Variants in ANKRD33B observed in about 807,000 individuals in gnomAD.
The protein encoded by ANKRD33B is ankyrin repeat domain-containing protein 33B.
Under a neutral mutation model 21.5 loss-of-function variants are expected in ANKRD33B, and 6 were observed. That is an observed-to-expected ratio of 0.28 (90% CI 0.15 to 0.55). The LOEUF is 0.55. Among genes scored for constraint, ANKRD33B ranks in the 20% least tolerant of loss-of-function variants. The pLI is 0.94. For synonymous variants in ANKRD33B, 347 were observed against 342.4 expected (o/e 1.01, Z -0.15); for missense variants, 698 against 747.2 (o/e 0.93, Z 0.77).
chr5:10,656,262 T>C lies in ANKRD33B; in HGVS notation c.*6149T>C, dbSNP rs1298202608. The C allele has an allele frequency of 1.3e-5, 2 of 152,336 alleles. No homozygotes were observed. The highest frequency in any genetic ancestry group is 2.9e-5 in the Non-Finnish European group (2 of 68,036). The allele number at this position is 152,336 out of a possible 1,614,324, so 9.4% of individuals were successfully genotyped here. A position where few individuals can be genotyped will look rare whatever the true frequency, so the allele number is the denominator to read the frequency against. Reference sequence around the variant, plus strand: ...AGAAACACACAGTACCTGGATTGTTTTGACTTATTTTCAAGCGACTCAGCT... The same window carrying C: ...AGAAACACACAGTACCTGGATTGTTCTGACTTATTTTCAAGCGACTCAGCT... On this transcript the variant is annotated 3_prime_UTR_variant, in exon 4 of 4. Coordinates refer to ENST00000296657, the MANE Select transcript of ANKRD33B (RefSeq NM_001164440.2).
At chr5:10,572,668 G>A (rs1301923387) in intron 1 of ANKRD33B, among the ~76,000 whole-genome samples, 3 of 152,212 alleles carry the variant, frequency 2.0e-5, no homozygotes, top group Non-Finnish European at 4.4e-5. Flanking sequence ...TGTTCCCCAA[G>A]TGGACACTGG....
Position 10,624,734 on chromosome 5 carries a change from C to T in ANKRD33B, c.496+6272C>T, listed in dbSNP as rs192251539. ...CTTTCTGAACCTCCAGGGGCTGCCCCTGTCCCCATGGGCATAGTTTCCTTA... is the reference window on the plus strand; with the variant it reads ...CTTTCTGAACCTCCAGGGGCTGCCCTTGTCCCCATGGGCATAGTTTCCTTA... On this transcript the variant is annotated intron_variant, in intron 2 of 3. Transcript: ENST00000296657. 9 of 456,754 alleles carry T rather than the reference C, an allele frequency of 2.0e-5. No individual in the cohort carries two copies. In the Middle Eastern group the frequency reaches 9.8e-4, roughly 49 times the overall value. 28.3% of individuals were successfully genotyped at this position (456,754 alleles called of 1,614,324 possible). A position where few individuals can be genotyped will look rare whatever the true frequency, so the allele number is the denominator to read the frequency against.
Position 10,650,202 on chromosome 5 carries a change from A to G in ANKRD33B, c.*89A>G, listed in dbSNP as rs1393032059. 1.5e-6 allele frequency: 2 copies of G among 1,327,142 alleles called. No individual in the cohort carries two copies. Among genetic ancestry groups the G allele is most frequent in the Non-Finnish European group, 2.0e-6 (2 of 1,022,072 alleles). The allele number at this position is 1,327,142 out of a possible 1,614,324, so 82.2% of individuals were successfully genotyped here. A position where few individuals can be genotyped will look rare whatever the true frequency, so the allele number is the denominator to read the frequency against. On this transcript the variant is annotated 3_prime_UTR_variant, in exon 4 of 4. Coordinates refer to ENST00000296657, the MANE Select transcript of ANKRD33B (RefSeq NM_001164440.2). ...GGAGAAGGAGGCGGCCCCGTTGCGCATCGCACCACTTCCGCTCCATGGACC... is the reference window on the plus strand; with the variant it reads ...GGAGAAGGAGGCGGCCCCGTTGCGCGTCGCACCACTTCCGCTCCATGGACC...
chr5:10,585,610 A>G (rs756378377), intron 1 of ANKRD33B, among the ~76,000 whole-genome samples: 1 of 152,154 alleles, frequency 6.6e-6, no homozygotes, highest in Non-Finnish European at 1.5e-5. Flanking sequence ...AGCCCTGGAG[A>G]TGTGGCTGCC....
intron 3 of ANKRD33B, among the ~76,000 whole-genome samples, chr5:10,644,027 G>A (rs1215028579): frequency 6.7e-6 from 1 of 148,260 alleles, no homozygotes; most frequent in African/African-American, 2.5e-5. Context: ...AAAAAGTGTT[G>A]AATTGCTTCC....
chr5:10,580,339 G>A (rs760693305), intron 1 of ANKRD33B, among the ~76,000 whole-genome samples: 33 of 152,196 alleles, frequency 2.2e-4, no homozygotes, highest in Non-Finnish European at 5.9e-5. Flanking sequence ...CTGACCTGTC[G>A]CTGCAGAGGT....
At chr5:10,624,763 A>G (rs752325806) in intron 2 of ANKRD33B, 42 of 456,720 alleles carry the variant, frequency 9.2e-5, no homozygotes, top group African/African-American at 7.8e-4. Flanking sequence ...TTCCTTAGAC[A>G]CTGGCTCCCA....
chr5:10,618,420 G>T lies in ANKRD33B; in HGVS notation c.454G>T (p.Asp152Tyr), dbSNP rs1201258611. 6.5e-7 allele frequency: 1 copy of T among 1,537,312 alleles called. No individual in the cohort carries two copies. The highest frequency in any genetic ancestry group is 8.7e-7 in the Non-Finnish European group (1 of 1,146,874). ...ECPHVDVNWQ[D>Y]SEGNTALITA... The stretch of plus-strand genomic sequence containing the variant: ...CCCCCACGTTGACGTCAACTGGCAG[G>T]ACAGCGAGGGGAACACAGCCCTAAT... Residue 152 changes from aspartate (D) to tyrosine (Y), a missense_variant, in exon 2 of 4, where the codon GAC (aspartate) becomes TAC (tyrosine). By Grantham distance (160) the Asp-to-Tyr change is radical. Coordinates refer to ENST00000296657, the MANE Select transcript of ANKRD33B (RefSeq NM_001164440.2).
chr5:10,603,533 G>A (rs1214260397), intron 1 of ANKRD33B, among the ~76,000 whole-genome samples: 1 of 152,160 alleles, frequency 6.6e-6, no homozygotes, highest in Non-Finnish European at 1.5e-5. Context: ...AAAGTACTGG[G>A]ATTACAGGGG....
At chr5:10,614,817 G>A (rs1383412476) in intron 1 of ANKRD33B, among the ~76,000 whole-genome samples, 2 of 152,004 alleles carry the variant, frequency 1.3e-5, no homozygotes, top group Non-Finnish European at 2.9e-5. Context: ...AACCCAGGAG[G>A]CAGAGGTTGC....
chr5:10,604,961 A>G (rs1579729125), intron 1 of ANKRD33B, among the ~76,000 whole-genome samples: 1 of 152,286 alleles, frequency 6.6e-6, no homozygotes, highest in East Asian at 1.9e-4. Context: ...CTGGTTGGGC[A>G]GTTCTGACTG....
rs116186872 is a variant in ANKRD33B, at chr5:10,599,082, A to G, written c.367-19251A>G. Among the ~76,000 whole-genome samples, 1,005 of 152,298 alleles carry G rather than the reference A, an allele frequency of 6.6e-3. 8 individuals are homozygous for G. The highest frequency in any genetic ancestry group is 0.023 in the African/African-American group (948 of 41,554). ...TTCTACTCAGTCCCTGTCTCATCAG[A>G]GGCAAAGACCTGTTGTTCAGATTTC... On this transcript the variant is annotated intron_variant, in intron 1 of 3. Coordinates refer to ENST00000296657, the MANE Select transcript of ANKRD33B (RefSeq NM_001164440.2).
At chr5:10,617,729 A>T (rs993307248) in intron 1 of ANKRD33B, among the ~76,000 whole-genome samples, 1 of 151,868 alleles carries the variant, frequency 6.6e-6, no homozygotes, top group South Asian at 2.1e-4. Context: ...TGCCTCCTGG[A>T]CCCGGGTTAC....
At chr5:10,587,703 C>G (rs1000407983) in intron 1 of ANKRD33B, among the ~76,000 whole-genome samples, 1 of 152,050 alleles carries the variant, frequency 6.6e-6, no homozygotes, top group Non-Finnish European at 1.5e-5. Context: ...TATGCTCTGC[C>G]AGATTAGCTA....
At position 10,569,574 on chromosome 5, in the gene ANKRD33B, C is replaced by T. The variant is rs532968542; in HGVS notation, c.366+4741C>T. Among the ~76,000 whole-genome samples the T allele has an allele frequency of 8.4e-5, 12 of 142,520 alleles. No individual in the cohort carries two copies. The South Asian group carries it at 1.1e-3, about 13-fold the overall frequency. 93.5% of individuals were successfully genotyped at this position (142,520 alleles called of 152,430 possible). A position where few individuals can be genotyped will look rare whatever the true frequency, so the allele number is the denominator to read the frequency against. ...TTGCACCACTGCGCCCCAGGCTGGG[C>T]GACAGAACAAGACCCGTGTTTGAAA... On this transcript the variant is annotated intron_variant, in intron 1 of 3. Coordinates refer to ENST00000296657, the MANE Select transcript of ANKRD33B (RefSeq NM_001164440.2).
At chr5:10,569,162 G>A (rs1463749206) in intron 1 of ANKRD33B, among the ~76,000 whole-genome samples, 1 of 152,162 alleles carries the variant, frequency 6.6e-6, no homozygotes, top group African/African-American at 2.4e-5. Flanking sequence ...CGGTGCTCAT[G>A]GCCTGCGTGT....
At chr5:10,613,990 C>CGT (rs59864065) in intron 1 of ANKRD33B, among the ~76,000 whole-genome samples, 8,451 of 141,240 alleles carry the variant, frequency 0.06, 658 homozygotes, top group African/African-American at 0.18. Context: ...CCAGAGAAAT[C>CGT]GTGTGTGTGT....
intron 1 of ANKRD33B, among the ~76,000 whole-genome samples, chr5:10,590,168 G>A (rs988103558): frequency 6.6e-6 from 1 of 152,064 alleles, no homozygotes; most frequent in Non-Finnish European, 1.5e-5. Context: ...TTTAAAGCTT[G>A]ATCGTTCTAA....
At chr5:10,641,292 A>G (rs1737054722) in intron 3 of ANKRD33B, among the ~76,000 whole-genome samples, 2 of 138,568 alleles carry the variant, frequency 1.4e-5, no homozygotes, top group Non-Finnish European at 1.5e-5. Flanking sequence ...GCGGTGGTGC[A>G]ATCTCGGCTC....
Sources: gnomAD v4.1 joint callset for allele counts (sites outside exome capture counted in the v4.1 genomes callset) on GRCh38, gnomAD v4.1.1 for gene constraint, MANE v1.5 for transcripts, NCBI Gene and HGNC (gene_info 2026-07-23, HGNC 2026-07-21) for gene names.